SETBP1: variants seen among roughly 807,000 people sequenced by gnomAD.
The protein encoded by SETBP1 is SET binding protein 1.
Under a neutral mutation model 101.0 loss-of-function variants are expected in SETBP1, and 9 were observed. The observed-to-expected ratio is 0.09, with a 90% CI of 0.05 to 0.16. The LOEUF (loss-of-function observed/expected upper bound fraction) is 0.16, where lower values mean the gene tolerates loss of function less well. Among genes scored for constraint, SETBP1 ranks in the 10% least tolerant of loss-of-function variants. The probability of loss-of-function intolerance (pLI) is 1.00; values close to 1 mark genes in which losing one functional copy is unlikely to be tolerated. For missense variants in SETBP1, 1,858 were observed against 2,033.8 expected (o/e 0.91, Z 1.66); for synonymous variants, 818 against 788.5 (o/e 1.04, Z -0.63).
At chr18:44,895,904 T>G (rs2069892034) in intron 3 of SETBP1, among the ~76,000 whole-genome samples, 1 of 152,118 alleles carries the variant, frequency 6.6e-6, no homozygotes, top group Non-Finnish European at 1.5e-5. Flanking sequence ...AAAACCTTCT[T>G]AAAGGGGATT....
At chr18:44,944,618 T>A (rs1303477047) in intron 3 of SETBP1, among the ~76,000 whole-genome samples, 1 of 152,196 alleles carries the variant, frequency 6.6e-6, no homozygotes, top group African/African-American at 2.4e-5. Flanking sequence ...AATTAAGAGA[T>A]GAGGCCTCCC....
chr18:44,941,918 G>T (rs1453141898), intron 3 of SETBP1, among the ~76,000 whole-genome samples: 1 of 152,036 alleles, frequency 6.6e-6, no homozygotes, highest in Non-Finnish European at 1.5e-5. Flanking sequence ...TAGCTGTTTG[G>T]AGAGCCTTGG....
At chr18:44,943,704 C>T (rs1013533555) in intron 3 of SETBP1, among the ~76,000 whole-genome samples, 1 of 152,354 alleles carries the variant, frequency 6.6e-6, no homozygotes, top group South Asian at 2.1e-4. Context: ...GTCTCCCACA[C>T]TCAGCTCCTG....
intron 1 of SETBP1, among the ~76,000 whole-genome samples, chr18:44,688,730 G>A (rs1012826838): frequency 1.3e-5 from 2 of 152,098 alleles, no homozygotes; most frequent in African/African-American, 4.8e-5. Context: ...TGGGATTACA[G>A]GCATGAGCCA....
chr18:44,900,749 G>A (rs577909616), intron 3 of SETBP1, among the ~76,000 whole-genome samples: 51 of 152,196 alleles, frequency 3.4e-4, no homozygotes, highest in African/African-American at 1.1e-3. Flanking sequence ...CAGCCCTCCC[G>A]GTGATTCTGA....
At chr18:45,034,782 C>T (rs908054347) in intron 4 of SETBP1, among the ~76,000 whole-genome samples, 3 of 152,090 alleles carry the variant, frequency 2.0e-5, no homozygotes, top group African/African-American at 7.2e-5. Flanking sequence ...GGGTGCTATC[C>T]ATACAGTCTA....
chr18:44,914,933 C>A (rs1007118167), intron 3 of SETBP1, among the ~76,000 whole-genome samples: 1 of 151,928 alleles, frequency 6.6e-6, no homozygotes, highest in South Asian at 2.1e-4. Context: ...TTAAAATCAA[C>A]GCTTATTTTA....
chr18:45,062,139 C>T lies in SETBP1; in HGVS notation c.4172-940C>T, dbSNP rs190291924. ...GTTGGCTATATCTTGAAGCCATTCA[C>T]GCTTTATGGTGTCTGAACTTCAAAA... On this transcript the variant is annotated intron_variant, in intron 5 of 5. Transcript: ENST00000649279. 1.1e-4 allele frequency among the ~76,000 whole-genome samples: 16 copies of T among 152,340 alleles called. No individual in the cohort carries two copies. In the East Asian group the frequency reaches 1.3e-3, roughly 13 times the overall value.
At position 44,856,863 on chromosome 18, in the gene SETBP1, T is replaced by C. The variant is rs190582206; in HGVS notation, c.487-12367T>C. Among the ~76,000 whole-genome samples the C allele has an allele frequency of 5.9e-5, 9 of 152,354 alleles. 1 individual carries two copies. The East Asian group carries it at 1.7e-3, about 29-fold the overall frequency. Reference sequence around the variant, plus strand: ...AGAGAGGGGAAAGAAGTTGGTATTCTTTTCCACTTTCTTGATGTTCTTCTT... The same window carrying C: ...AGAGAGGGGAAAGAAGTTGGTATTCCTTTCCACTTTCTTGATGTTCTTCTT... On this transcript the variant is annotated intron_variant, in intron 2 of 5. Transcript: ENST00000649279.
intron 2 of SETBP1, among the ~76,000 whole-genome samples, chr18:44,703,223 C>A (rs1288283824): frequency 6.6e-6 from 1 of 152,032 alleles, no homozygotes. Context: ...CTTTGTCACT[C>A]TCTCCCTGAC....
chr18:45,055,058 G>A (rs2073785666), intron 5 of SETBP1, among the ~76,000 whole-genome samples: 1 of 152,160 alleles, frequency 6.6e-6, no homozygotes, highest in Admixed American at 6.5e-5. Flanking sequence ...AATCTAGCAG[G>A]AAATATTAAT....
intron 2 of SETBP1, among the ~76,000 whole-genome samples, chr18:44,756,091 C>T (rs2070487781): frequency 6.6e-6 from 1 of 151,922 alleles, no homozygotes; most frequent in Non-Finnish European, 1.5e-5. Flanking sequence ...GTGGCACATG[C>T]CTGCAGTCCC....
chr18:44,681,528 C>G (rs2068759565), intron 1 of SETBP1, among the ~76,000 whole-genome samples: 1 of 138,776 alleles, frequency 7.2e-6, no homozygotes, highest in Non-Finnish European at 1.6e-5. Flanking sequence ...TCCAGCCCCC[C>G]TCCCCTGCAC....
chr18:44,879,161 A>T (rs1000349756), intron 3 of SETBP1, among the ~76,000 whole-genome samples: 1 of 152,246 alleles, frequency 6.6e-6, no homozygotes. Context: ...AATAGTAAAA[A>T]TTGATGCTTG....
At chr18:44,949,836 T>G in intron 3 of SETBP1, 45 bp from the exon 4 acceptor site, 1 of 1,451,960 alleles carries the variant, frequency 6.9e-7, no homozygotes, top group South Asian at 1.1e-5. Context: ...TCATCTTTGT[T>G]TCTCTCTCTC....
intron 3 of SETBP1, among the ~76,000 whole-genome samples, chr18:44,919,952 G>C (rs1226023622): frequency 6.6e-6 from 1 of 152,034 alleles, no homozygotes; most frequent in Non-Finnish European, 1.5e-5. Flanking sequence ...CTCCCCACTA[G>C]AATGTAAGAT....
chr18:44,899,280 A>C (rs1423955121), intron 3 of SETBP1, among the ~76,000 whole-genome samples: 1 of 152,216 alleles, frequency 6.6e-6, no homozygotes, highest in Non-Finnish European at 1.5e-5. Flanking sequence ...GTAAATTTTT[A>C]AATAAATAGT....
intron 5 of SETBP1, among the ~76,000 whole-genome samples, chr18:45,051,711 C>T (rs985097036): frequency 1.9e-4 from 29 of 152,166 alleles, no homozygotes; most frequent in Admixed American, 1.6e-3. Flanking sequence ...TTCTTAACAT[C>T]CTTAATGTCC....
chr18:44,925,946 C>T (rs541647907), intron 3 of SETBP1, among the ~76,000 whole-genome samples: 6 of 152,196 alleles, frequency 3.9e-5, no homozygotes, highest in Admixed American at 6.5e-5. Context: ...AAAGCAGATA[C>T]ATTAAATAAA....
Sources: allele counts gnomAD v4.1 joint callset (sites outside exome capture counted in the v4.1 genomes callset), GRCh38; gene constraint gnomAD v4.1.1; transcripts MANE v1.5; gene names NCBI Gene and HGNC (gene_info 2026-07-23, HGNC 2026-07-21).